The following TMEM132B variants were observed in gnomAD, a reference collection of about 807,000 sequenced individuals.
TMEM132B encodes transmembrane protein 132B.
Under a neutral mutation model 90.8 loss-of-function variants are expected in TMEM132B, and 18 were observed. The ratio of observed to expected loss-of-function variants is 0.20; its 90% confidence interval spans 0.14 to 0.29. The LOEUF is 0.29. TMEM132B is among the 10% of genes least tolerant of loss of function. The pLI, the probability that TMEM132B is intolerant of heterozygous loss-of-function variation, is 1.00. For synonymous variants in TMEM132B, 504 were observed against 523.3 expected (o/e 0.96, Z 0.50); for missense variants, 1,096 against 1,326.8 (o/e 0.83, Z 2.70).
At chr12:125,456,480 C>T (rs928893148) in intron 3 of TMEM132B, among the ~76,000 whole-genome samples, 3 of 152,232 alleles carry the variant, frequency 2.0e-5, no homozygotes, top group African/African-American at 7.2e-5. Flanking sequence ...ACTGTCGGGG[C>T]CCTGCTTCTG....
chr12:125,662,070 G>A lies in TMEM132B; in HGVS notation c.*7360G>A, dbSNP rs1387487467. The A allele has an allele frequency of 6.6e-6, 1 of 152,210 alleles. No homozygotes were observed. Among genetic ancestry groups the A allele is most frequent in the Non-Finnish European group, 1.5e-5 (1 of 68,054 alleles). The allele number at this position is 152,210 out of a possible 1,614,324, so 9.4% of individuals were successfully genotyped here. On this transcript the variant is annotated 3_prime_UTR_variant, in exon 9 of 9. Coordinates refer to ENST00000682704, the MANE Select transcript of TMEM132B (RefSeq NM_001366854.1). ...CAGCCCAGCCAGTAGTGTGCTTTGG[G>A]GTGATTGCAAGGCAGCAAACAGTGG...
intron 3 of TMEM132B, among the ~76,000 whole-genome samples, chr12:125,475,101 T>C (rs577464397): frequency 6.6e-6 from 1 of 152,134 alleles, no homozygotes; most frequent in South Asian, 2.1e-4. Context: ...GGATTACAGG[T>C]AGATATCACC....
intron 4 of TMEM132B, among the ~76,000 whole-genome samples, chr12:125,556,438 G>C (rs1211311873): frequency 3.3e-5 from 5 of 152,210 alleles, no homozygotes; most frequent in Admixed American, 1.3e-4. Context: ...ACATCAGTTA[G>C]ACTAACTCCA....
intron 2 of TMEM132B, among the ~76,000 whole-genome samples, chr12:125,393,880 T>G (rs1393149414): frequency 6.6e-6 from 1 of 152,216 alleles, no homozygotes; most frequent in East Asian, 1.9e-4. Context: ...TCAACCTCTC[T>G]TTTCTCACTG....
chr12:125,225,716 G>A (rs114870197), intron 1 of TMEM132B, among the ~76,000 whole-genome samples: 2,127 of 152,210 alleles, frequency 0.014, 48 homozygotes, highest in African/African-American at 0.049. Context: ...TTACCTCCGC[G>A]GGGCTTGCAA....
chr12:125,412,041 C>A (rs569219660), intron 2 of TMEM132B, among the ~76,000 whole-genome samples: 16 of 152,268 alleles, frequency 1.1e-4, no homozygotes, highest in African/African-American at 3.8e-4. Context: ...AGGAAATGCT[C>A]TATGGAAGAT....
intron 1 of TMEM132B, among the ~76,000 whole-genome samples, chr12:125,243,153 T>G: frequency 1.3e-5 from 1 of 76,800 alleles, no homozygotes; most frequent in Middle Eastern, 6.8e-3. Flanking sequence ...ATATATATAA[T>G]TTTTTTTTTT....
intron 1 of TMEM132B, among the ~76,000 whole-genome samples, chr12:125,192,452 C>CA (rs2136049882): frequency 6.7e-6 from 1 of 148,598 alleles, no homozygotes; most frequent in East Asian, 2.1e-4. Flanking sequence ...TTGTGAGAAA[C>CA]AGAGTTTGGA....
intron 3 of TMEM132B, among the ~76,000 whole-genome samples, chr12:125,512,681 T>G (rs1414159079): frequency 1.3e-5 from 2 of 152,190 alleles, no homozygotes; most frequent in African/African-American, 4.8e-5. Flanking sequence ...CCTGTAGACC[T>G]TTGACTGCCA....
chr12:125,372,412 A>T (rs1878323892), intron 2 of TMEM132B, among the ~76,000 whole-genome samples: 1 of 152,232 alleles, frequency 6.6e-6, no homozygotes, highest in Admixed American at 6.5e-5. Context: ...ATGCAGTTAC[A>T]TCTGCTACTT....
chr12:125,353,039 C>G (rs1392524959), intron 2 of TMEM132B, among the ~76,000 whole-genome samples: 1 of 152,204 alleles, frequency 6.6e-6, no homozygotes, highest in Non-Finnish European at 1.5e-5. Flanking sequence ...GAAATCCAAC[C>G]CCACAGAGAT....
In TMEM132B at chr12:125,613,144, A is replaced by C. The variant is rs1488384173; in HGVS notation, c.1437+29150A>C. 4.6e-5 allele frequency among the ~76,000 whole-genome samples: 5 copies of C among 107,904 alleles called. No individual in the cohort carries two copies. In the East Asian group the frequency reaches 1.2e-3, roughly 27 times the overall value. 70.8% of individuals were successfully genotyped at this position (107,904 alleles called of 152,430 possible). ...CATATATATTTATATATTATATATA[A>C]ATATATATCATATATATTTATATAT... On this transcript the variant is annotated intron_variant, in intron 5 of 8. Coordinates refer to ENST00000682704, the MANE Select transcript of TMEM132B (RefSeq NM_001366854.1).
chr12:125,281,274 A>T (rs1875163099), intron 1 of TMEM132B, among the ~76,000 whole-genome samples: 1 of 151,970 alleles, frequency 6.6e-6, no homozygotes, highest in Non-Finnish European at 1.5e-5. Flanking sequence ...GGGGCGGGCG[A>T]TTGAGGAACC....
intron 3 of TMEM132B, among the ~76,000 whole-genome samples, chr12:125,505,166 CAAAAAAAAAAA>C (rs71306287): frequency 2.1e-4 from 6 of 28,586 alleles, no homozygotes; most frequent in African/African-American, 5.4e-4. Context: ...CACCAGAGGA[CAAAAAAAAAAA>C]AAAAAAAAAA....
chr12:125,211,351 C>T (rs1272559621), intron 1 of TMEM132B, among the ~76,000 whole-genome samples: 3 of 152,186 alleles, frequency 2.0e-5, no homozygotes, highest in Non-Finnish European at 4.4e-5. Flanking sequence ...TAAACTGTCT[C>T]CTGCCCCAAA....
intron 2 of TMEM132B, among the ~76,000 whole-genome samples, chr12:125,376,855 A>C (rs1878507533): frequency 6.6e-6 from 1 of 152,246 alleles, no homozygotes; most frequent in Non-Finnish European, 1.5e-5. Context: ...AGTGATCTGA[A>C]AGCAGATCTA....
intron 6 of TMEM132B, among the ~76,000 whole-genome samples, chr12:125,645,464 T>C (rs1886740303): frequency 6.6e-6 from 1 of 152,170 alleles, no homozygotes; most frequent in African/African-American, 2.4e-5. Context: ...GAGAACAACG[T>C]GATGATGTAC....
chr12:125,402,102 T>C (rs1329517697), intron 2 of TMEM132B, among the ~76,000 whole-genome samples: 1 of 152,220 alleles, frequency 6.6e-6, no homozygotes, highest in Non-Finnish European at 1.5e-5. Flanking sequence ...TTCACGATAC[T>C]CGGCTATTGA....
rs112393580 is a variant in TMEM132B at position 125,289,474 on chromosome 12, A to G, written c.68-59978A>G. On this transcript the variant is annotated intron_variant, in intron 1 of 8. Coordinates refer to ENST00000682704, the MANE Select transcript of TMEM132B (RefSeq NM_001366854.1). ...TTTGCTCCAGGTTGCATCACTCTTA[A>G]GTGGTGAAGCTGGGATTTGAAACCA... 4.5e-3 allele frequency among the ~76,000 whole-genome samples: 683 copies of G among 152,274 alleles called. 4 individuals are homozygous for G. Among genetic ancestry groups the G allele is most frequent in the Middle Eastern group, 0.02 (6 of 294 alleles).
Sources: allele counts gnomAD v4.1 joint callset (sites outside exome capture counted in the v4.1 genomes callset), GRCh38; gene constraint gnomAD v4.1.1; transcripts MANE v1.5; gene names NCBI Gene and HGNC (gene_info 2026-07-23, HGNC 2026-07-21).